KIAA1217: variants seen among roughly 807,000 people sequenced by gnomAD.
KIAA1217 encodes the protein sickle tail protein homolog.
In KIAA1217, 88 loss-of-function variants were observed where a neutral mutation model predicts 163.9. The observed-to-expected ratio is 0.54, with a 90% CI of 0.45 to 0.64. The LOEUF is 0.64. KIAA1217 is among the 30% of genes least tolerant of loss of function. The pLI is 0.00. For synonymous variants in KIAA1217, 903 were observed against 923.1 expected, an observed-to-expected ratio of 0.98 and a Z score of 0.39; for missense variants, 2,372 against 2,475.0, an observed-to-expected ratio of 0.96 and a Z score of 0.88.
intron 1 of KIAA1217, among the ~76,000 whole-genome samples, chr10:23,964,092 C>T (rs529851295): frequency 1.4e-4 from 21 of 151,754 alleles, no homozygotes; most frequent in South Asian, 6.2e-4. Context: ...TTAATAGAGA[C>T]GGGGTTTCAC....
intron 1 of KIAA1217, among the ~76,000 whole-genome samples, chr10:23,952,377 G>A (rs925759969): frequency 3.3e-5 from 5 of 152,168 alleles, no homozygotes; most frequent in African/African-American, 1.2e-4. Context: ...TGTTCAGCGG[G>A]TGTCTCACAA....
At chr10:23,718,268 G>A (rs1837681973) in intron 1 of KIAA1217, among the ~76,000 whole-genome samples, 3 of 152,154 alleles carry the variant, frequency 2.0e-5, no homozygotes. Context: ...TTCTGAAATG[G>A]TCCTTCATCT....
At chr10:23,975,816 T>C (rs1845515740) in intron 1 of KIAA1217, among the ~76,000 whole-genome samples, 2 of 152,196 alleles carry the variant, frequency 1.3e-5, no homozygotes, top group Admixed American at 6.5e-5. Flanking sequence ...AATGTTACAA[T>C]GGACCCCATG....
At chr10:24,009,257 A>G (rs1014543934) in intron 2 of KIAA1217, among the ~76,000 whole-genome samples, 17 of 152,200 alleles carry the variant, frequency 1.1e-4, no homozygotes, top group South Asian at 4.1e-4. Context: ...GAATTGGCCC[A>G]TTATCACATG....
chr10:24,115,603 T>C (rs780217229), intron 2 of KIAA1217, among the ~76,000 whole-genome samples: 3 of 152,210 alleles, frequency 2.0e-5, no homozygotes, highest in Non-Finnish European at 4.4e-5. Context: ...ACTTACTCAC[T>C]GAGAGCAGAG....
intron 2 of KIAA1217, among the ~76,000 whole-genome samples, chr10:24,015,309 G>A (rs1473924087): frequency 6.6e-6 from 1 of 152,084 alleles, no homozygotes; most frequent in African/African-American, 2.4e-5. Flanking sequence ...AAACAATGAA[G>A]ATTTACTGTT....
chr10:24,029,516 G>A (rs1365869103), intron 2 of KIAA1217, among the ~76,000 whole-genome samples: 1 of 152,128 alleles, frequency 6.6e-6, no homozygotes, highest in Admixed American at 6.6e-5. Context: ...GAACATTCTA[G>A]TTCAGGACCC....
chr10:24,331,496 G>A (rs2045663592), intron 2 of KIAA1217, among the ~76,000 whole-genome samples: 1 of 152,230 alleles, frequency 6.6e-6, no homozygotes, highest in East Asian at 1.9e-4. Context: ...TCTAGCAGTA[G>A]TAATTATGAC....
At chr10:24,194,550 T>C (rs2066892952) in intron 2 of KIAA1217, among the ~76,000 whole-genome samples, 1 of 151,252 alleles carries the variant, frequency 6.6e-6, no homozygotes, top group Non-Finnish European at 1.5e-5. Flanking sequence ...CACTTTGTCC[T>C]TAGCACAGGC....
chr10:23,748,006 A>G (rs1839504491), intron 1 of KIAA1217, among the ~76,000 whole-genome samples: 1 of 152,160 alleles, frequency 6.6e-6, no homozygotes, highest in African/African-American at 2.4e-5. Context: ...CAGGTGTGGA[A>G]TCAATTCCAT....
At chr10:23,924,320 G>C (rs936406322) in intron 1 of KIAA1217, among the ~76,000 whole-genome samples, 3 of 151,710 alleles carry the variant, frequency 2.0e-5, no homozygotes, top group African/African-American at 7.3e-5. Context: ...ACTGATCAAA[G>C]GAAACTACAA....
In KIAA1217 at chr10:24,332,569, G is replaced by C. The variant is rs545774075; in HGVS notation, c.355-48300G>C. Among the ~76,000 whole-genome samples the C allele has an allele frequency of 2.6e-4, 40 of 152,160 alleles. No homozygotes were observed. The South Asian group carries it at 8.1e-3, about 31-fold the overall frequency. On this transcript the variant is annotated intron_variant, in intron 2 of 20. Coordinates refer to ENST00000376454, the MANE Select transcript of KIAA1217 (RefSeq NM_019590.5). ...CTGTCAGACTAATGCATCCTCTCTCGGTGACAGAGTAGATGGAGGAAAAGT... is the reference window on the plus strand; with the variant it reads ...CTGTCAGACTAATGCATCCTCTCTCCGTGACAGAGTAGATGGAGGAAAAGT...
intron 1 of KIAA1217, among the ~76,000 whole-genome samples, chr10:23,701,638 C>T (rs181967520): frequency 2.3e-4 from 35 of 152,230 alleles, no homozygotes; most frequent in Admixed American, 5.2e-4. Context: ...TAAAATGACC[C>T]CTGTAAAGCC....
intron 1 of KIAA1217, among the ~76,000 whole-genome samples, chr10:23,999,383 A>G (rs892954085): frequency 6.6e-6 from 1 of 152,144 alleles, no homozygotes; most frequent in East Asian, 1.9e-4. Flanking sequence ...GGCACTGACA[A>G]TTAAGGAGCA....
chr10:23,897,032 A>C (rs181407906), intron 1 of KIAA1217, among the ~76,000 whole-genome samples: 1 of 152,184 alleles, frequency 6.6e-6, no homozygotes, highest in Middle Eastern at 3.4e-3. Context: ...TGTTAATAAC[A>C]CTTTTTGGAA....
At chr10:24,210,807 G>T (rs1238820914) in intron 1 of KIAA1217, among the ~76,000 whole-genome samples, 1 of 152,044 alleles carries the variant, frequency 6.6e-6, no homozygotes. Flanking sequence ...AAGTTTCAGG[G>T]GGTGGGGAGC....
chr10:23,965,872 T>C (rs1428858645), intron 1 of KIAA1217, among the ~76,000 whole-genome samples: 1 of 152,176 alleles, frequency 6.6e-6, no homozygotes, highest in African/African-American at 2.4e-5. Flanking sequence ...TACCTTAACA[T>C]GTTTAAAATG....
chr10:23,762,508 A>G (rs1834312320), intron 1 of KIAA1217, among the ~76,000 whole-genome samples: 1 of 152,224 alleles, frequency 6.6e-6, no homozygotes, highest in African/African-American at 2.4e-5. Flanking sequence ...AGAACCAAAG[A>G]CAAAAACCAC....
intron 10 of KIAA1217, among the ~76,000 whole-genome samples, chr10:24,516,454 C>T (rs755616965): frequency 7.2e-5 from 11 of 152,204 alleles, no homozygotes; most frequent in East Asian, 3.8e-4. Flanking sequence ...TTGAAAGTTC[C>T]GGGGTTCAAC....
Sources: allele counts gnomAD v4.1 joint callset (sites outside exome capture counted in the v4.1 genomes callset), GRCh38; gene constraint gnomAD v4.1.1; transcripts MANE v1.5; gene names NCBI Gene and HGNC (gene_info 2026-07-23, HGNC 2026-07-21).